The following GAREM1 variants were observed in gnomAD, a reference collection of about 807,000 sequenced individuals.
GAREM1 encodes the protein GRB2 associated regulator of MAPK1 subtype 1.
Under a neutral mutation model 71.3 loss-of-function variants are expected in GAREM1, and 26 were observed. The observed-to-expected ratio is 0.36, with a 90% confidence interval of 0.27 to 0.51. The LOEUF is 0.51. Ranked by LOEUF, GAREM1 falls within the 20% of genes least tolerant of loss-of-function variation. GAREM1 has a pLI of 0.95. For missense variants in GAREM1, 1,026 were observed against 1,103.1 expected (o/e 0.93, Z 0.99); for synonymous variants, 440 against 433.2 (o/e 1.02, Z -0.20).
At position 32,287,804 on chromosome 18, in the gene GAREM1, T is replaced by A; in HGVS notation, c.793A>T (p.Ile265Phe). The change falls in exon 4 of 6, where the codon ATC becomes TTC. Residue 265 changes from isoleucine to phenylalanine, a missense_variant. By Grantham distance (21) the Ile-to-Phe change is conservative. This residue lies in a region of GAREM1 where 218 missense variants were observed against 296.8 expected (regional missense o/e 0.73). Coordinates refer to ENST00000269209, the MANE Select transcript of GAREM1 (RefSeq NM_001242409.2). This position sits in a 1 kb window ranked among gnomAD's most constrained non-coding sequence, Gnocchi z 5.9. ...PPRNPYDLHF[I>F]REGHRYKFVN... Reference sequence around the variant, plus strand: ...AACTTATAGCGGTGCCCCTCACGGATGAAGTGGAGGTCGTATGGGTTTCTC... The same window carrying A: ...AACTTATAGCGGTGCCCCTCACGGAAGAAGTGGAGGTCGTATGGGTTTCTC... The A allele has an allele frequency of 6.2e-7, 1 of 1,613,378 alleles. No individual in the cohort carries two copies. Among genetic ancestry groups the A allele is most frequent in the Non-Finnish European group, 8.5e-7 (1 of 1,179,880 alleles).
intron 1 of GAREM1, among the ~76,000 whole-genome samples, chr18:32,401,339 AAT>A (rs1033392801): frequency 3.0e-4 from 46 of 151,986 alleles, no homozygotes; most frequent in African/African-American, 1.0e-3. Context: ...AAAAAATAAT[AAT>A]AAAGACTAAT....
In GAREM1 at chr18:32,470,290, G is replaced by T; in HGVS notation, c.121+18C>A. 6.7e-7 allele frequency: 1 copy of T among 1,498,282 alleles called. No homozygotes were observed. The allele number at this position is 1,498,282 out of a possible 1,614,324, so 92.8% of individuals were successfully genotyped here. A position where few individuals can be genotyped will look rare whatever the true frequency, so the allele number is the denominator to read the frequency against. On this transcript the variant is annotated intron_variant, in intron 1 of 5. Coordinates refer to ENST00000269209, the MANE Select transcript of GAREM1 (RefSeq NM_001242409.2). The surrounding 1 kb of genome is among the most constrained non-coding windows in gnomAD (Gnocchi z 4.4). ...GGCTGTCCTCGCCCGTCTGCCCCGC[G>T]CCCCAGCTGGGACTCACCGTTGTCC...
At chr18:32,302,420 T>A (rs1289850512) in intron 3 of GAREM1, among the ~76,000 whole-genome samples, 1 of 152,210 alleles carries the variant, frequency 6.6e-6, no homozygotes. Flanking sequence ...TTCTTAGTAT[T>A]GCAAGGCTCT....
rs1389086304 is a variant in GAREM1 at position 32,341,584 on chromosome 18, C to T, written c.263-31261G>A. Among the ~76,000 whole-genome samples the T allele has an allele frequency of 2.0e-5, 3 of 152,140 alleles. No homozygotes were observed. In the East Asian group the frequency reaches 5.8e-4, roughly 29 times the overall value. On this transcript the variant is annotated intron_variant, in intron 2 of 5. Coordinates refer to ENST00000269209, the MANE Select transcript of GAREM1 (RefSeq NM_001242409.2). ...CTTCCACAATGGTTGAACTAGTTTA[C>T]AGTCCCACCAACAGTGTAAGATAAA...
chr18:32,288,298 G>A, intron 3 of GAREM1, 95 bp from the exon 4 acceptor site: 2 of 968,444 alleles, frequency 2.1e-6, no homozygotes, highest in Non-Finnish European at 3.0e-6. Flanking sequence ...ACACACAGAG[G>A]AAAATGCTGC....
At position 32,374,063 on chromosome 18, in the gene GAREM1, T is replaced by C. The variant is rs538880369; in HGVS notation, c.262+18832A>G. Among the ~76,000 whole-genome samples the C allele has an allele frequency of 5.9e-5, 9 of 152,328 alleles. No individual in the cohort carries two copies. The South Asian group carries it at 1.4e-3, about 25-fold the overall frequency. ...GACATGACTTGGTTGAGTTCTCGGA[T>C]GTGAAATGTTTCAGCTTCCACCAAA... On this transcript the variant is annotated intron_variant, in intron 2 of 5. Coordinates refer to ENST00000269209, the MANE Select transcript of GAREM1 (RefSeq NM_001242409.2).
At chr18:32,389,756 C>T (rs1391009753) in intron 2 of GAREM1, among the ~76,000 whole-genome samples, 1 of 152,094 alleles carries the variant, frequency 6.6e-6, no homozygotes, top group African/African-American at 2.4e-5. Context: ...ACTATATGCT[C>T]TCTTTTTTCC....
At chr18:32,337,224 G>A (rs1202894284) in intron 2 of GAREM1, among the ~76,000 whole-genome samples, 9 of 152,172 alleles carry the variant, frequency 5.9e-5, no homozygotes, top group African/African-American at 1.9e-4. Context: ...GGCTCCAGAA[G>A]GTTTGAAATG....
intron 1 of GAREM1, among the ~76,000 whole-genome samples, chr18:32,395,810 G>C (rs1158606416): frequency 6.6e-6 from 1 of 152,190 alleles, no homozygotes; most frequent in South Asian, 2.1e-4. Context: ...GCTTTGAAGA[G>C]TGTAGTGGTT....
intron 2 of GAREM1, among the ~76,000 whole-genome samples, chr18:32,366,166 C>A (rs2047927002): frequency 6.6e-6 from 1 of 152,118 alleles, no homozygotes. Flanking sequence ...ACCCTAGGAC[C>A]CAGCAGAACA....
Position 32,268,344 on chromosome 18 carries a change from T to G in GAREM1, c.2158A>C (p.Thr720Pro). ...CTGGGGGGTAAGGCAGGGCATGACG[T>G]ACTCTGCTTTGTCACACCAGCTGCA... is the stretch of plus-strand genomic sequence containing the variant. ...SLAAGVTKQS[T>P]SCPALPPRAP... The change falls in exon 6 of 6, where the codon ACG becomes CCG. Residue 720 changes from threonine to proline, a missense_variant. Transcript: ENST00000269209. 6.2e-7 allele frequency: 1 copy of G among 1,614,166 alleles called. No individual in the cohort carries two copies. Among genetic ancestry groups the G allele is most frequent in the Non-Finnish European group, 8.5e-7 (1 of 1,180,012 alleles).
Position 32,321,067 on chromosome 18 carries a change from C to T in GAREM1, c.263-10744G>A, listed in dbSNP as rs75341526. Among the ~76,000 whole-genome samples, 1,373 of 152,246 alleles carry T rather than the reference C, an allele frequency of 9.0e-3. 19 individuals carry two copies. Among genetic ancestry groups the T allele is most frequent in the Non-Finnish European group, 0.012 (785 of 68,012 alleles). ...ATTTTAAGCCCGTTTCCATCTCTGC[C>T]CTTCCATTATCACATTATTCACCTT... On this transcript the variant is annotated intron_variant, in intron 2 of 5. Transcript: ENST00000269209.
At chr18:32,304,656 ATTACT>A (rs2047234191) in intron 3 of GAREM1, among the ~76,000 whole-genome samples, 1 of 152,220 alleles carries the variant, frequency 6.6e-6, no homozygotes, top group South Asian at 2.1e-4. Flanking sequence ...ACTTGAGTGT[ATTACT>A]TTACTTAATT....
At chr18:32,401,315 T>TA (rs1207459280) in intron 1 of GAREM1, among the ~76,000 whole-genome samples, 7 of 151,710 alleles carry the variant, frequency 4.6e-5, no homozygotes, top group Non-Finnish European at 1.0e-4. Context: ...CCCTAGAACT[T>TA]AAAGTATAAA....
At chr18:32,364,028 G>GGTT (rs2047903236) in intron 2 of GAREM1, among the ~76,000 whole-genome samples, 1 of 21,674 alleles carries the variant, frequency 4.6e-5, no homozygotes, top group Non-Finnish European at 8.0e-5. Context: ...ATATATATAT[G>GGTT]TTTTTTTTTT....
chr18:32,436,062 G>C (rs1442555480), intron 1 of GAREM1, among the ~76,000 whole-genome samples: 2 of 152,144 alleles, frequency 1.3e-5, no homozygotes, highest in Non-Finnish European at 2.9e-5. Context: ...GCAAAACTTA[G>C]AGGCTAGCAG....
chr18:32,307,933 C>T (rs974488441), intron 3 of GAREM1, among the ~76,000 whole-genome samples: 3 of 152,158 alleles, frequency 2.0e-5, no homozygotes, highest in Non-Finnish European at 1.5e-5. Flanking sequence ...TATTTATTTA[C>T]TTGTGTGTTT....
intron 1 of GAREM1, among the ~76,000 whole-genome samples, chr18:32,467,199 G>C (rs905278874): frequency 2.4e-4 from 36 of 152,008 alleles, no homozygotes; most frequent in African/African-American, 8.4e-4. Flanking sequence ...ACTGCCTCTT[G>C]CCTCTTTTCA....
At chr18:32,336,596 A>G (rs1198013050) in intron 2 of GAREM1, among the ~76,000 whole-genome samples, 2 of 152,224 alleles carry the variant, frequency 1.3e-5, no homozygotes, top group Admixed American at 1.3e-4. Context: ...AAATGTAAAT[A>G]CAGGGATTTA....
Sources: allele counts gnomAD v4.1 joint callset (sites outside exome capture counted in the v4.1 genomes callset), GRCh38; gene constraint gnomAD v4.1.1; regional missense constraint gnomAD v4.1.1; non-coding constraint Gnocchi (gnomAD v3.1); transcripts MANE v1.5; gene names NCBI Gene and HGNC (gene_info 2026-07-23, HGNC 2026-07-21).